The following ABCA13 variants were observed in gnomAD, a reference collection of about 807,000 sequenced individuals.
ABCA13 encodes the protein ATP-binding cassette sub-family A member 13.
A neutral mutation model predicts 478.7 loss-of-function variants in ABCA13; 476 were observed. That is an observed-to-expected ratio of 0.99 (90% CI 0.92 to 1.07). The LOEUF (loss-of-function observed/expected upper bound fraction) is 1.07. Ranked by LOEUF, ABCA13 falls within the 50% of genes least tolerant of loss-of-function variation. The pLI is 0.00. For synonymous variants in ABCA13, 2,252 were observed against 2,158.9 expected (o/e 1.04, Z -1.20); for missense variants, 6,060 against 5,910.6 (o/e 1.03, Z -0.83).
chr7:48,228,314 G>A (rs759554220), intron 6 of ABCA13, among the ~76,000 whole-genome samples: 31 of 152,124 alleles, frequency 2.0e-4, no homozygotes, highest in Non-Finnish European at 8.8e-5. Context: ...TGTCCACGGA[G>A]CCCACACACC....
chr7:48,584,203 T>C (rs544796837), intron 56 of ABCA13, among the ~76,000 whole-genome samples: 1 of 152,326 alleles, frequency 6.6e-6, no homozygotes, highest in African/African-American at 2.4e-5. Flanking sequence ...TTCTTTCTAA[T>C]ACATGCACAC....
rs2129051349 is a variant in ABCA13, at chr7:48,387,812, C to T, written c.11336-10C>T. The stretch of plus-strand genomic sequence containing the variant: ...AAAATTAAACTAATTTTAATTGTTT[C>T]ATTTTTTAGGAACATTTGGTTTACG... On this transcript the variant is annotated splice_polypyrimidine_tract_variant and intron_variant, in intron 35 of 61. Coordinates refer to ENST00000435803, the MANE Select transcript of ABCA13 (RefSeq NM_152701.5). The T allele has an allele frequency of 1.3e-6, 2 of 1,542,178 alleles. No individual in the cohort carries two copies. The highest frequency in any genetic ancestry group is 8.7e-7 in the Non-Finnish European group (1 of 1,147,090).
intron 39 of ABCA13, chr7:48,404,093 C>T (rs761775641): frequency 2.3e-5 from 13 of 567,362 alleles, no homozygotes; most frequent in Admixed American, 1.1e-4. Flanking sequence ...GACCTTTTAA[C>T]TCAATAACAG....
intron 48 of ABCA13, among the ~76,000 whole-genome samples, chr7:48,505,640 T>C (rs969097392): frequency 6.6e-6 from 1 of 152,186 alleles, no homozygotes; most frequent in Non-Finnish European, 1.5e-5. Flanking sequence ...CTGATTACTC[T>C]CACAGTCCAC....
Position 48,246,041 on chromosome 7 carries a change from T to C in ABCA13, c.1659+11T>C, listed in dbSNP as rs1338979295. 3 of 1,611,440 alleles carry C rather than the reference T, an allele frequency of 1.9e-6. No individual in the cohort carries two copies. The highest frequency in any genetic ancestry group is 2.5e-6 in the Non-Finnish European group (3 of 1,178,508). On this transcript the variant is annotated intron_variant, in intron 13 of 61. Transcript: ENST00000435803. ...TCAGTAGAGGATGCTGTAAGTATTC[T>C]ACCATCTTAGCTCTTCTAAGGGCAC...
rs150235962 is a variant in ABCA13, at chr7:48,451,290, C to T, written c.12566-3747C>T. On this transcript the variant is annotated intron_variant, in intron 42 of 61. Transcript: ENST00000435803. The stretch of plus-strand genomic sequence containing the variant: ...CTGGGATTATAGGTGTGAGCCATCG[C>T]GCCCAGCAAGATGTTATAAATCACC... Among the ~76,000 whole-genome samples, 115 of 152,054 alleles carry T rather than the reference C, an allele frequency of 7.6e-4. 1 individual carries two copies. In the East Asian group the frequency reaches 9.1e-3, roughly 12 times the overall value.
chr7:48,470,067 T>G (rs923363261), intron 44 of ABCA13, among the ~76,000 whole-genome samples: 11 of 152,242 alleles, frequency 7.2e-5, no homozygotes, highest in Admixed American at 7.2e-4. Flanking sequence ...TAGGCCACTT[T>G]AGGGAAATGC....
intron 38 of ABCA13, among the ~76,000 whole-genome samples, chr7:48,400,521 G>A (rs1465449568): frequency 6.6e-6 from 1 of 152,128 alleles, no homozygotes; most frequent in African/African-American, 2.4e-5. Context: ...GCTTCTTTTT[G>A]ATATGTATAA....
chr7:48,365,191 T>C (rs1357283989), intron 31 of ABCA13, among the ~76,000 whole-genome samples: 2 of 152,208 alleles, frequency 1.3e-5, no homozygotes, highest in African/African-American at 4.8e-5. Context: ...TGTATAACTG[T>C]TGGCCATTTG....
chr7:48,645,694 T>C lies in ABCA13; in HGVS notation c.*182T>C. The C allele has an allele frequency of 1.7e-6, 1 of 571,606 alleles. No homozygotes were observed. The highest frequency in any genetic ancestry group is 3.4e-5 in the East Asian group (1 of 29,522). 35.4% of individuals were successfully genotyped at this position (571,606 alleles called of 1,614,324 possible). A position where few individuals can be genotyped will look rare whatever the true frequency, so the allele number is the denominator to read the frequency against. On this transcript the variant is annotated 3_prime_UTR_variant, in exon 62 of 62. Coordinates refer to ENST00000435803, the MANE Select transcript of ABCA13 (RefSeq NM_152701.5). ...AGTTAATAACCACCAAATGGAAAGG[T>C]CATTCTTTCTGCAGACTTTTGGGGA... is the stretch of plus-strand genomic sequence containing the variant.
rs1388162865 is a variant in ABCA13 at position 48,295,692 on chromosome 7, T to A, written c.8956-8T>A. ...GCTTCTAACCTATATCATTGCTATG[T>A]TTTCTAGGAAATTGAAAAGATATGG... On this transcript the variant is annotated splice_polypyrimidine_tract_variant and splice_region_variant and intron_variant, in intron 20 of 61. Coordinates refer to ENST00000435803, the MANE Select transcript of ABCA13 (RefSeq NM_152701.5). 1 of 1,613,970 alleles carries A rather than the reference T, an allele frequency of 6.2e-7. No individual in the cohort carries two copies. The highest frequency in any genetic ancestry group is 1.1e-5 in the South Asian group (1 of 91,086).
At chr7:48,249,466 C>T in intron 15 of ABCA13, 115 bp downstream of exon 15, 2 of 1,349,300 alleles carry the variant, frequency 1.5e-6, no homozygotes, top group South Asian at 2.7e-5. Context: ...ATGGGTGGCT[C>T]TCCAAGCACA....
chr7:48,267,892 T>C (rs1274534938), intron 15 of ABCA13, among the ~76,000 whole-genome samples: 1 of 152,200 alleles, frequency 6.6e-6, no homozygotes, highest in Non-Finnish European at 1.5e-5. Flanking sequence ...GTGCTAATTA[T>C]TTTTGCATGC....
rs751123275 is a variant in ABCA13 at position 48,520,083 on chromosome 7, A to G, written c.13840A>G (p.Ile4614Val). 5.0e-6 allele frequency: 8 copies of G among 1,613,170 alleles called. No individual in the cohort carries two copies. The highest frequency in any genetic ancestry group is 6.8e-6 in the Non-Finnish European group (8 of 1,179,532). ...TGATGTCCTCAAGTGGGTCTTTACT[A>G]TTTTTCCTCAATTCTGTCTTGGTCA... Reference protein sequence around the residue: ...IYDVLKWVFTIFPQFCLGQGL... With the variant: ...IYDVLKWVFTVFPQFCLGQGL... Residue 4614 changes from isoleucine (I) to valine (V), a missense_variant, in exon 53 of 62, where the codon ATT (isoleucine) becomes GTT (valine). Physicochemically the swap from Ile to Val is conservative, Grantham distance 29 (BLOSUM62 3). Around this residue, in one of 3 missense-constraint regions of ABCA13, gnomAD observed 1,627 missense variants for 1,571.0 expected, o/e 1.04. Transcript: ENST00000435803.
intron 55 of ABCA13, among the ~76,000 whole-genome samples, chr7:48,554,268 A>G (rs934450310): frequency 6.6e-5 from 10 of 151,828 alleles, no homozygotes; most frequent in African/African-American, 2.4e-4. Context: ...TGATTCCTCT[A>G]GTTTTGTTCT....
chr7:48,481,401 AAAAC>A (rs935837664), intron 46 of ABCA13, among the ~76,000 whole-genome samples: 1 of 152,182 alleles, frequency 6.6e-6, no homozygotes, highest in African/African-American at 2.4e-5. Context: ...ATTGAATACA[AAAAC>A]AAACAAAAAA....
intron 27 of ABCA13, among the ~76,000 whole-genome samples, chr7:48,330,614 C>T (rs138433240): frequency 1.0e-3 from 156 of 151,472 alleles, no homozygotes; most frequent in African/African-American, 3.6e-3. Context: ...TCCATCCATC[C>T]ATCCATCCAT....
chr7:48,607,019 G>C (rs913821099), intron 58 of ABCA13, among the ~76,000 whole-genome samples: 2 of 152,162 alleles, frequency 1.3e-5, no homozygotes, highest in African/African-American at 2.4e-5. Context: ...GTGAAACCGC[G>C]TACTGAAGCC....
chr7:48,372,099 T>C, intron 32 of ABCA13, 69 bp from the exon 33 acceptor site: 2 of 1,427,950 alleles, frequency 1.4e-6, no homozygotes, highest in Non-Finnish European at 1.9e-6. Flanking sequence ...TTCTTTCTCC[T>C]ACCATCTGAT....
Sources: gnomAD v4.1 joint callset for allele counts (sites outside exome capture counted in the v4.1 genomes callset) on GRCh38, gnomAD v4.1.1 for gene constraint, gnomAD v4.1.1 regional missense constraint, MANE v1.5 for transcripts, NCBI Gene and HGNC (gene_info 2026-07-23, HGNC 2026-07-21) for gene names.